Variants in IGF1R observed in about 807,000 individuals in gnomAD.
IGF1R encodes insulin-like growth factor 1 receptor.
In IGF1R, 44 loss-of-function variants were observed where a neutral mutation model predicts 144.6. The observed-to-expected ratio is 0.30, with a 90% CI of 0.24 to 0.39. The LOEUF is 0.39. IGF1R is among the 10% of genes least tolerant of loss of function. IGF1R has a pLI of 1.00. For missense variants in IGF1R, 1,355 were observed against 1,833.7 expected, an observed-to-expected ratio of 0.74 and a Z score of 4.77; for synonymous variants, 795 against 722.8, an observed-to-expected ratio of 1.10 and a Z score of -1.60.
chr15:98,827,355 C>G (rs375947414), intron 2 of IGF1R, among the ~76,000 whole-genome samples: 19 of 152,260 alleles, frequency 1.2e-4, no homozygotes, highest in African/African-American at 4.3e-4. Flanking sequence ...ACCATGAAGA[C>G]CCCTTAGCTC....
intron 5 of IGF1R, among the ~76,000 whole-genome samples, chr15:98,907,945 C>A (rs1292761931): frequency 6.6e-6 from 1 of 152,248 alleles, no homozygotes; most frequent in Non-Finnish European, 1.5e-5. Context: ...AATGCAGATT[C>A]TTTGCCCACC....
intron 1 of IGF1R, among the ~76,000 whole-genome samples, chr15:98,651,899 A>T (rs1401505315): frequency 6.6e-6 from 1 of 152,102 alleles, no homozygotes; most frequent in East Asian, 1.9e-4. Flanking sequence ...GAGAATTAAA[A>T]GCTATGCCTG....
At chr15:98,744,179 G>A (rs574766992) in intron 2 of IGF1R, among the ~76,000 whole-genome samples, 48 of 152,162 alleles carry the variant, frequency 3.2e-4, no homozygotes, top group Non-Finnish European at 4.7e-4. Context: ...TTAAAGGGAC[G>A]TCAGCGTTCA....
intron 6 of IGF1R, among the ~76,000 whole-genome samples, chr15:98,909,821 A>G (rs1238177823): frequency 2.0e-5 from 3 of 152,240 alleles, no homozygotes; most frequent in Non-Finnish European, 4.4e-5. Flanking sequence ...TGTACTGTTT[A>G]TAAAACTTTA....
At position 98,648,772 on chromosome 15, in the gene IGF1R, C is replaced by G. The variant is rs1415070969; in HGVS notation, c.-810C>G. ...CCCCCCGCGCCCTCCACGCCCCTCC[C>G]GCGCGGGGGCAGCTCCACGGCGCGC... On this transcript the variant is annotated 5_prime_UTR_variant, in exon 1 of 21. Transcript: ENST00000650285. 6.8e-6 allele frequency among the ~76,000 whole-genome samples: 1 copy of G among 146,896 alleles called. No individual in the cohort carries two copies. The highest frequency in any genetic ancestry group is 1.5e-5 in the Non-Finnish European group (1 of 66,222).
rs761977713 is a variant in IGF1R at position 98,780,572 on chromosome 15, AAAAGAGAGAG to A, written c.640+72467_640+72476del. The stretch of plus-strand genomic sequence containing the variant: ...CTCAAAAAAAAAAAAAAAAAAAAAA[AAAAGAGAGAG>A]AGAGTAAATAAAATTGTAAGGTGAA... On this transcript the variant is annotated intron_variant, in intron 2 of 20. Coordinates refer to ENST00000650285, the MANE Select transcript of IGF1R (RefSeq NM_000875.5). Among the ~76,000 whole-genome samples, 16 of 78,514 alleles carry A rather than the reference AAAAGAGAGAG, an allele frequency of 2.0e-4. 2 individuals are homozygous for A. Among genetic ancestry groups the A allele is most frequent in the South Asian group, 9.2e-4 (2 of 2,182 alleles). The allele number at this position is 78,514 out of a possible 152,430, so 51.5% of individuals were successfully genotyped here.
chr15:98,741,366 T>A (rs2054739859), intron 2 of IGF1R, among the ~76,000 whole-genome samples: 1 of 152,002 alleles, frequency 6.6e-6, no homozygotes, highest in African/African-American at 2.4e-5. Flanking sequence ...CTTTTAGGGT[T>A]AGGTAAGATA....
At chr15:98,915,268 C>T (rs1027759432) in intron 8 of IGF1R, among the ~76,000 whole-genome samples, 3 of 152,216 alleles carry the variant, frequency 2.0e-5, no homozygotes, top group Non-Finnish European at 4.4e-5. Flanking sequence ...TGCCTATAAT[C>T]GGCATTCATT....
intron 4 of IGF1R, among the ~76,000 whole-genome samples, chr15:98,899,081 A>G (rs940867157): frequency 2.0e-5 from 3 of 152,222 alleles, no homozygotes; most frequent in Non-Finnish European, 4.4e-5. Context: ...TCCTAATGAG[A>G]TGGAGAAAAT....
At chr15:98,668,011 C>T (rs2052788588) in intron 1 of IGF1R, among the ~76,000 whole-genome samples, 1 of 152,086 alleles carries the variant, frequency 6.6e-6, no homozygotes, top group Admixed American at 6.5e-5. Flanking sequence ...GGGCTAAAAC[C>T]ACAGACTTAT....
chr15:98,659,098 G>C (rs1455547406), intron 1 of IGF1R, among the ~76,000 whole-genome samples: 1 of 152,188 alleles, frequency 6.6e-6, no homozygotes, highest in Non-Finnish European at 1.5e-5. Flanking sequence ...GAAATATAAG[G>C]CTTACTTGAT....
At chr15:98,694,670 GA>G (rs1269718239) in intron 1 of IGF1R, among the ~76,000 whole-genome samples, 1 of 152,148 alleles carries the variant, frequency 6.6e-6, no homozygotes, top group Non-Finnish European at 1.5e-5. Flanking sequence ...TTCTCAACTG[GA>G]ACTTGTAAAA....
intron 2 of IGF1R, among the ~76,000 whole-genome samples, chr15:98,724,227 T>A (rs745753703): frequency 6.6e-6 from 1 of 152,246 alleles, no homozygotes; most frequent in Non-Finnish European, 1.5e-5. Flanking sequence ...GTATCACTTA[T>A]GAACCAAGAA....
intron 2 of IGF1R, among the ~76,000 whole-genome samples, chr15:98,779,374 T>C (rs527554182): frequency 3.2e-4 from 48 of 152,350 alleles, no homozygotes; most frequent in African/African-American, 1.1e-3. Context: ...CCTTTATTAA[T>C]TTTTTCAAGA....
chr15:98,896,335 C>G (rs143844233), intron 3 of IGF1R, among the ~76,000 whole-genome samples: 3 of 152,320 alleles, frequency 2.0e-5, no homozygotes, highest in Non-Finnish European at 4.4e-5. Context: ...CCTGCCTTCT[C>G]TCCTAGCGAC....
chr15:98,845,868 A>G (rs1340432513), intron 2 of IGF1R, among the ~76,000 whole-genome samples: 1 of 152,188 alleles, frequency 6.6e-6, no homozygotes, highest in African/African-American at 2.4e-5. Context: ...AAGGTGCCCT[A>G]ACTAAAATTT....
chr15:98,808,674 G>T (rs1293744207), intron 2 of IGF1R, among the ~76,000 whole-genome samples: 1 of 18,492 alleles, frequency 5.4e-5, no homozygotes, highest in Non-Finnish European at 9.8e-5. Flanking sequence ...GTTCTTGAAA[G>T]ATTTTTTTTT....
intron 2 of IGF1R, among the ~76,000 whole-genome samples, chr15:98,879,973 G>A (rs2013284631): frequency 1.3e-5 from 2 of 152,158 alleles, no homozygotes; most frequent in Admixed American, 1.3e-4. Context: ...CCTGGGAAAG[G>A]GGCGTGGGAA....
chr15:98,723,600 A>G (rs1362392552), intron 2 of IGF1R, among the ~76,000 whole-genome samples: 1 of 152,198 alleles, frequency 6.6e-6, no homozygotes, highest in Non-Finnish European at 1.5e-5. Context: ...CTGCCTGTTA[A>G]TAGAGTGACT....
Sources: gnomAD v4.1 joint callset for allele counts (sites outside exome capture counted in the v4.1 genomes callset) on GRCh38, gnomAD v4.1.1 for gene constraint, MANE v1.5 for transcripts, NCBI Gene and HGNC (gene_info 2026-07-23, HGNC 2026-07-21) for gene names.